CSMD3: variants seen among roughly 807,000 people sequenced by gnomAD.
The protein encoded by CSMD3 is CUB and sushi domain-containing protein 3.
In CSMD3, 177 loss-of-function variants were observed where a neutral mutation model predicts 435.2. The ratio of observed to expected loss-of-function variants is 0.41; its 90% CI spans 0.36 to 0.46. CSMD3 has a LOEUF of 0.46. Ranked by LOEUF, CSMD3 falls within the 20% of genes least tolerant of loss-of-function variation. CSMD3 has a pLI of 0.34. For missense variants in CSMD3, 4,265 were observed against 4,504.6 expected (o/e 0.95, Z 1.52); for synonymous variants, 1,656 against 1,520.5 (o/e 1.09, Z -2.07).
chr8:112,504,295 T>G (rs916392086), intron 29 of CSMD3, among the ~76,000 whole-genome samples: 4 of 152,150 alleles, frequency 2.6e-5, no homozygotes, highest in Admixed American at 2.0e-4. Context: ...AGTCAGAGAA[T>G]GCAAGTTCAA....
chr8:113,430,964 G>A lies in CSMD3; in HGVS notation c.178+5713C>T, dbSNP rs548620836. 2.6e-5 allele frequency among the ~76,000 whole-genome samples: 4 copies of A among 152,300 alleles called. No homozygotes were observed. In the South Asian group the frequency reaches 6.2e-4, roughly 24 times the overall value. On this transcript the variant is annotated intron_variant, in intron 1 of 70. Coordinates refer to ENST00000297405, the MANE Select transcript of CSMD3 (RefSeq NM_198123.2). ...GATGGCTGCAAGTCTGGGGCCTTAAGAGAAGGAAAGGTGATCATCAGCATT... is the reference window on the plus strand; with the variant it reads ...GATGGCTGCAAGTCTGGGGCCTTAAAAGAAGGAAAGGTGATCATCAGCATT...
chr8:112,743,546 T>C (rs1205171153), intron 13 of CSMD3, among the ~76,000 whole-genome samples: 2 of 151,880 alleles, frequency 1.3e-5, no homozygotes, highest in Non-Finnish European at 2.9e-5. Flanking sequence ...CTTGTGATTA[T>C]GTATATGTAT....
rs1586860957 is a variant in CSMD3, at chr8:112,638,795, G to A, written c.3427C>T (p.Pro1143Ser). The A allele has an allele frequency of 1.2e-6, 2 of 1,612,750 alleles. No homozygotes were observed. Among genetic ancestry groups the A allele is most frequent in the South Asian group, 1.1e-5 (1 of 91,052 alleles). Residue 1143 changes from proline (P) to serine (S), a missense_variant, in exon 21 of 71, where the codon CCA (proline) becomes TCA (serine). This residue lies in a region of CSMD3 where 3,255 missense variants were observed against 3,380.2 expected (regional missense o/e 0.96). Coordinates refer to ENST00000297405, the MANE Select transcript of CSMD3 (RefSeq NM_198123.2). ...LARLTGSDLP[P>S]TINAGLYGNF... is the part of the protein sequence containing the mutation. ...CCATAGAGACCAGCATTGATTGTTG[G>A]AGGAAGATCTGAACCAGTCAGGCGT...
intron 4 of CSMD3, among the ~76,000 whole-genome samples, chr8:113,163,766 C>A (rs2092093947): frequency 6.6e-6 from 1 of 151,860 alleles, no homozygotes; most frequent in Non-Finnish European, 1.5e-5. Context: ...CATACTTGAC[C>A]AGTGACATTA....
intron 32 of CSMD3, among the ~76,000 whole-genome samples, chr8:112,444,079 T>G (rs1815338949): frequency 6.6e-6 from 1 of 152,206 alleles, no homozygotes; most frequent in African/African-American, 2.4e-5. Context: ...CCACATTATT[T>G]TTTGGATTCA....
chr8:113,261,914 G>T lies in CSMD3; in HGVS notation c.514+16678C>A, dbSNP rs561203135. 1.3e-3 allele frequency among the ~76,000 whole-genome samples: 201 copies of T among 152,020 alleles called. 1 individual carries two copies. Among genetic ancestry groups the T allele is most frequent in the African/African-American group, 4.7e-3 (195 of 41,510 alleles). On this transcript the variant is annotated intron_variant, in intron 3 of 70. Transcript: ENST00000297405. The stretch of plus-strand genomic sequence containing the variant: ...TTGCTCTGTGGATGTTGTATCATTT[G>T]CTCCCCTTCCTTATCTTCAAAATAA...
chr8:112,720,644 A>G (rs529198184), intron 13 of CSMD3, among the ~76,000 whole-genome samples: 17 of 152,238 alleles, frequency 1.1e-4, no homozygotes, highest in Admixed American at 4.6e-4. Flanking sequence ...CATAGTACCT[A>G]TCCAGGATGT....
At chr8:113,071,377 G>A (rs1372109530) in intron 5 of CSMD3, among the ~76,000 whole-genome samples, 1 of 151,710 alleles carries the variant, frequency 6.6e-6, no homozygotes, top group Non-Finnish European at 1.5e-5. Flanking sequence ...CAGTGTCATA[G>A]CCAAAAAAAT....
chr8:112,445,202 C>T (rs941630372), intron 32 of CSMD3, among the ~76,000 whole-genome samples: 4 of 152,094 alleles, frequency 2.6e-5, no homozygotes, highest in Non-Finnish European at 5.9e-5. Flanking sequence ...AAGATTGCAC[C>T]ACCGCACTCC....
chr8:112,941,716 G>T (rs895526203), intron 9 of CSMD3, among the ~76,000 whole-genome samples: 2 of 151,680 alleles, frequency 1.3e-5, no homozygotes, highest in Non-Finnish European at 3.0e-5. Context: ...ATGTGTATAT[G>T]TGGATATATA....
rs776374772 is a variant in CSMD3, at chr8:112,311,111, T to C, written c.7752A>G (p.Thr2584=). Residue 2584 remains threonine (T), a synonymous_variant, in exon 50 of 71, where the codon ACA becomes ACG. Coordinates refer to ENST00000297405, the MANE Select transcript of CSMD3 (RefSeq NM_198123.2). Reference sequence around the variant, plus strand: ...GGACCACACTGTTAAGCTGCCCACCTGTCTGACTGATAATATATCCATGAG... The same window carrying C: ...GGACCACACTGTTAAGCTGCCCACCCGTCTGACTGATAATATATCCATGAG... The part of the protein sequence containing the change: ...SPPHGYIISQ[T]GGQLNSVVRW... 8.1e-6 allele frequency: 13 copies of C among 1,614,006 alleles called. No individual in the cohort carries two copies. The Admixed American group carries it at 1.5e-4, about 19-fold the overall frequency.
chr8:112,919,599 A>C (rs2082674885), intron 10 of CSMD3, among the ~76,000 whole-genome samples: 1 of 151,784 alleles, frequency 6.6e-6, no homozygotes, highest in African/African-American at 2.4e-5. Context: ...TTTTGCTAAC[A>C]AAAATGCACA....
At chr8:112,594,165 C>T (rs1023140826) in intron 22 of CSMD3, among the ~76,000 whole-genome samples, 25 of 152,214 alleles carry the variant, frequency 1.6e-4, no homozygotes, top group African/African-American at 5.5e-4. Flanking sequence ...GTGCACGCAC[C>T]GTGTGCGAGC....
chr8:112,625,304 A>G (rs1834387197), intron 22 of CSMD3, among the ~76,000 whole-genome samples: 1 of 152,110 alleles, frequency 6.6e-6, no homozygotes, highest in South Asian at 2.1e-4. Flanking sequence ...ACATCAAGTC[A>G]TCTCAAACAT....
chr8:112,580,999 A>G (rs1830298219), intron 23 of CSMD3, among the ~76,000 whole-genome samples: 1 of 152,104 alleles, frequency 6.6e-6, no homozygotes, highest in South Asian at 2.1e-4. Flanking sequence ...ATCTTTTGCT[A>G]CATTTCTTGC....
chr8:113,228,052 T>A (rs2093047272), intron 3 of CSMD3, among the ~76,000 whole-genome samples: 1 of 151,606 alleles, frequency 6.6e-6, no homozygotes, highest in African/African-American at 2.4e-5. Context: ...GGGGTTATCA[T>A]GTTATATTTT....
At chr8:113,436,051 C>G (rs972314107) in intron 1 of CSMD3, among the ~76,000 whole-genome samples, 1 of 152,130 alleles carries the variant, frequency 6.6e-6, no homozygotes, top group African/African-American at 2.4e-5. Flanking sequence ...CACTTCATGG[C>G]ATTTCAGACC....
chr8:112,817,490 A>C (rs2079407988), intron 12 of CSMD3, among the ~76,000 whole-genome samples: 1 of 152,104 alleles, frequency 6.6e-6, no homozygotes, highest in Admixed American at 6.6e-5. Flanking sequence ...TTAAAATATT[A>C]TTGTTCAAAT....
intron 10 of CSMD3, among the ~76,000 whole-genome samples, chr8:112,875,932 C>T (rs2081269290): frequency 1.3e-5 from 2 of 152,112 alleles, no homozygotes; most frequent in Admixed American, 6.6e-5. Context: ...ATTTGTCAAA[C>T]TCATTCTCTA....
Sources: allele counts gnomAD v4.1 joint callset (sites outside exome capture counted in the v4.1 genomes callset), GRCh38; gene constraint gnomAD v4.1.1; regional missense constraint gnomAD v4.1.1; transcripts MANE v1.5; gene names NCBI Gene and HGNC (gene_info 2026-07-23, HGNC 2026-07-21).